KCNAB1: variants seen among roughly 807,000 people sequenced by gnomAD.
KCNAB1 encodes the protein potassium voltage-gated channel subfamily A regulatory beta subunit 1, also known as voltage-gated potassium channel subunit beta-1.
In KCNAB1, 35 loss-of-function variants were observed where a neutral mutation model predicts 64.6. The observed-to-expected ratio is 0.54, with a 90% CI of 0.41 to 0.72. The LOEUF (loss-of-function observed/expected upper bound fraction) is 0.72. KCNAB1 is among the 30% of genes least tolerant of loss of function. The pLI, the probability that KCNAB1 is intolerant of heterozygous loss-of-function variation, is 0.00. For synonymous variants in KCNAB1, 177 were observed against 183.8 expected (o/e 0.96, Z 0.30); for missense variants, 401 against 512.9 (o/e 0.78, Z 2.11).
intron 1 of KCNAB1, among the ~76,000 whole-genome samples, chr3:156,394,826 C>T (rs1713306855): frequency 6.6e-6 from 1 of 152,180 alleles, no homozygotes; most frequent in African/African-American, 2.4e-5. Context: ...GGAGTTCTTG[C>T]TCCAGTGTTC....
chr3:156,482,118 T>C (rs1331114738), intron 8 of KCNAB1, among the ~76,000 whole-genome samples: 2 of 152,140 alleles, frequency 1.3e-5, no homozygotes, highest in African/African-American at 2.4e-5. Context: ...AATTTTCTTA[T>C]AGCCCTTTTT....
chr3:156,125,407 G>A (rs954965280), intron 1 of KCNAB1, among the ~76,000 whole-genome samples: 7 of 152,180 alleles, frequency 4.6e-5, no homozygotes, highest in Non-Finnish European at 8.8e-5. Flanking sequence ...CTCACCAAAA[G>A]CTTTTTAAGG....
chr3:156,331,512 G>A (rs1723328216), intron 1 of KCNAB1, among the ~76,000 whole-genome samples: 1 of 151,888 alleles, frequency 6.6e-6, no homozygotes, highest in African/African-American at 2.4e-5. Flanking sequence ...TTCTTCTTAA[G>A]AGAATTTAAA....
chr3:156,433,888 C>T (rs1716404482), intron 2 of KCNAB1, among the ~76,000 whole-genome samples: 1 of 152,138 alleles, frequency 6.6e-6, no homozygotes. Flanking sequence ...TATTTATTTT[C>T]ATATTTGCCT....
At chr3:156,195,558 T>C (rs1378601128) in intron 1 of KCNAB1, among the ~76,000 whole-genome samples, 2 of 152,240 alleles carry the variant, frequency 1.3e-5, no homozygotes, top group Non-Finnish European at 2.9e-5. Flanking sequence ...TTTTGTTTCA[T>C]ATGTTTGTTG....
chr3:156,500,039 G>A (rs1336989194), intron 8 of KCNAB1, among the ~76,000 whole-genome samples: 1 of 152,174 alleles, frequency 6.6e-6, no homozygotes, highest in African/African-American at 2.4e-5. Context: ...CTCTCTCCTT[G>A]CCACTCCTTG....
intron 2 of KCNAB1, among the ~76,000 whole-genome samples, chr3:156,449,646 A>G (rs1041469669): frequency 2.6e-5 from 4 of 152,252 alleles, no homozygotes; most frequent in Non-Finnish European, 5.9e-5. Flanking sequence ...TAAAGTTTGA[A>G]GTCTGAGAAC....
intron 1 of KCNAB1, among the ~76,000 whole-genome samples, chr3:156,205,653 C>T (rs886620123): frequency 6.6e-6 from 1 of 152,166 alleles, no homozygotes; most frequent in African/African-American, 2.4e-5. Context: ...CTACCCGCTC[C>T]TTCCTCTGCA....
chr3:156,408,065 G>T (rs1315259999), intron 1 of KCNAB1, among the ~76,000 whole-genome samples: 1 of 152,026 alleles, frequency 6.6e-6, no homozygotes, highest in Non-Finnish European at 1.5e-5. Flanking sequence ...GTGCAGTGGC[G>T]GGCGGTGGTG....
intron 1 of KCNAB1, among the ~76,000 whole-genome samples, chr3:156,132,714 T>G (rs1289763648): frequency 1.3e-5 from 2 of 152,204 alleles, no homozygotes; most frequent in South Asian, 4.1e-4. Context: ...TAAGGGGAGC[T>G]TCTACAACAT....
chr3:156,342,471 T>C (rs1393070246), intron 1 of KCNAB1, among the ~76,000 whole-genome samples: 1 of 152,012 alleles, frequency 6.6e-6, no homozygotes, highest in Non-Finnish European at 1.5e-5. Context: ...GGCCAGCAGA[T>C]GCTGAGAGCT....
Position 156,536,673 on chromosome 3 carries a change from A to ACAT in KCNAB1, c.1189_1191dup (p.Ser397dup), listed in dbSNP as rs764640746. On this transcript the variant is annotated inframe_insertion, in exon 14 of 14. Transcript: ENST00000490337. ...CTGCTCTCAGGTTCTCCCAAAGATG[A>ACAT]CATCACATGTGGTAAATGAGATTGA... 5.6e-6 allele frequency: 9 copies of ACAT among 1,611,306 alleles called. No homozygotes were observed. The East Asian group carries it at 1.1e-4, about 20-fold the overall frequency.
At chr3:156,413,980 G>A (rs1714871273) in intron 1 of KCNAB1, among the ~76,000 whole-genome samples, 1 of 152,210 alleles carries the variant, frequency 6.6e-6, no homozygotes, top group African/African-American at 2.4e-5. Context: ...CTCTGTCAAG[G>A]AAAATGAAAG....
At chr3:156,179,551 C>A (rs1712663352) in intron 1 of KCNAB1, among the ~76,000 whole-genome samples, 1 of 151,626 alleles carries the variant, frequency 6.6e-6, no homozygotes, top group Non-Finnish European at 1.5e-5. Context: ...TGGACTCCCT[C>A]AGAAGGCACC....
chr3:156,256,935 C>A (rs1718132487), intron 1 of KCNAB1, among the ~76,000 whole-genome samples: 1 of 152,140 alleles, frequency 6.6e-6, no homozygotes, highest in South Asian at 2.1e-4. Context: ...TCTGTGGTGG[C>A]CCCGGCCACA....
chr3:156,388,586 G>A (rs1346558459), intron 1 of KCNAB1, among the ~76,000 whole-genome samples: 1 of 152,244 alleles, frequency 6.6e-6, no homozygotes, highest in Admixed American at 6.5e-5. Context: ...TGATACAAGT[G>A]TGAGTTACAT....
intron 1 of KCNAB1, among the ~76,000 whole-genome samples, chr3:156,368,032 G>T (rs1184234239): frequency 1.3e-5 from 2 of 152,140 alleles, no homozygotes; most frequent in East Asian, 3.8e-4. Context: ...GAAATGAAAG[G>T]CTCTAGGATG....
At chr3:156,483,604 C>T (rs1245127803) in intron 8 of KCNAB1, among the ~76,000 whole-genome samples, 1 of 152,080 alleles carries the variant, frequency 6.6e-6, no homozygotes, top group Admixed American at 6.6e-5. Flanking sequence ...CTTGCATCTC[C>T]ACCCAGTTTC....
rs148255495 is a variant in KCNAB1 at position 156,492,064 on chromosome 3, C to T, written c.658+17244C>T. Among the ~76,000 whole-genome samples, 430 of 152,174 alleles carry T rather than the reference C, an allele frequency of 2.8e-3. 2 individuals are homozygous for T. The highest frequency in any genetic ancestry group is 3.4e-3 in the Middle Eastern group (1 of 294). Reference sequence around the variant, plus strand: ...TTATTGGAGGAACTAGAACTAGAATCCAATTATCCAGAATTCTGACTCCTA... The same window carrying T: ...TTATTGGAGGAACTAGAACTAGAATTCAATTATCCAGAATTCTGACTCCTA... On this transcript the variant is annotated intron_variant, in intron 8 of 13. Coordinates refer to ENST00000490337, the MANE Select transcript of KCNAB1 (RefSeq NM_172160.3).
Sources: gnomAD v4.1 joint callset for allele counts (sites outside exome capture counted in the v4.1 genomes callset) on GRCh38, gnomAD v4.1.1 for gene constraint, MANE v1.5 for transcripts, NCBI Gene and HGNC (gene_info 2026-07-23, HGNC 2026-07-21) for gene names.